PKD1L3: variants seen among roughly 807,000 people sequenced by gnomAD.
The protein encoded by PKD1L3 is polycystin-1-like protein 3.
In PKD1L3, 239 loss-of-function variants were observed where a neutral mutation model predicts 184.1. The ratio of observed to expected loss-of-function variants is 1.30; its 90% CI spans 1.17 to 1.45. The LOEUF (loss-of-function observed/expected upper bound fraction) is 1.45, where lower values mean the gene tolerates loss of function less well. PKD1L3 is among the 40% of genes most tolerant of loss of function. The pLI is 0.00. For synonymous variants in PKD1L3, 996 were observed against 778.8 expected (o/e 1.28, Z -4.64); for missense variants, 2,660 against 2,067.2 (o/e 1.29, Z -5.56).
rs144913223 is a variant in PKD1L3, at chr16:71,982,072, C to T, written c.1130G>A (p.Arg377His). 2.1e-4 allele frequency: 324 copies of T among 1,547,598 alleles called. No individual in the cohort carries two copies. Among genetic ancestry groups the T allele is most frequent in the African/African-American group, 2.0e-3 (146 of 72,900 alleles). Residue 377 changes from arginine to histidine, a missense_variant, in exon 7 of 30, where the codon CGT (arginine) becomes CAT (histidine). Coordinates refer to ENST00000620267, the MANE Select transcript of PKD1L3 (RefSeq NM_181536.2). ...TCTGGCACCTACCGGCTCAGTATGA[C>T]GCTTGGATTCCAGCCAACTTCCTTC... is the stretch of plus-strand genomic sequence containing the variant. ...AGEGSWLESK[R>H]HTEPVEDILE... is the part of the protein sequence containing the mutation.
At chr16:71,967,590 G>C (rs1026798139) in intron 14 of PKD1L3, among the ~76,000 whole-genome samples, 1 of 152,062 alleles carries the variant, frequency 6.6e-6, no homozygotes, top group Non-Finnish European at 1.5e-5. Context: ...TCAACCTCCT[G>C]AGTAGCTGTG....
At chr16:71,961,591 G>C (rs1390204292) in intron 16 of PKD1L3, among the ~76,000 whole-genome samples, 1 of 152,046 alleles carries the variant, frequency 6.6e-6, no homozygotes, top group Non-Finnish European at 1.5e-5. Flanking sequence ...GACAGCCACA[G>C]ATGAGCTCTC....
intron 14 of PKD1L3, 76 bp from the exon 15 acceptor site, chr16:71,967,391 C>A: frequency 7.3e-7 from 1 of 1,365,604 alleles, no homozygotes; most frequent in Non-Finnish European, 9.8e-7. Flanking sequence ...AGGAGAAAGA[C>A]GAAGACATAG....
intron 16 of PKD1L3, among the ~76,000 whole-genome samples, chr16:71,957,176 C>T (rs1011408639): frequency 6.6e-6 from 1 of 151,632 alleles, no homozygotes; most frequent in Non-Finnish European, 1.5e-5. Context: ...TAGAAAATAT[C>T]CATTTAACAC....
At chr16:71,972,752 A>G (rs976510712) in intron 12 of PKD1L3, among the ~76,000 whole-genome samples, 6 of 152,182 alleles carry the variant, frequency 3.9e-5, no homozygotes, top group African/African-American at 1.4e-4. Context: ...TCTTTTTAGA[A>G]CAGCTTGCTG....
chr16:71,933,894 G>GACAGC, intron 27 of PKD1L3, 21 bp downstream of exon 27: 1 of 1,547,492 alleles, frequency 6.5e-7, no homozygotes. Flanking sequence ...GAGAAGGAGA[G>GACAGC]ACAGCAACGT....
intron 3 of PKD1L3, among the ~76,000 whole-genome samples, chr16:71,991,714 C>T (rs915839813): frequency 3.3e-4 from 50 of 152,282 alleles, no homozygotes; most frequent in Middle Eastern, 3.4e-3. Flanking sequence ...GTGATACATA[C>T]GTAGGATATT....
chr16:71,961,833 T>A (rs1046956574), intron 16 of PKD1L3, among the ~76,000 whole-genome samples: 1 of 152,196 alleles, frequency 6.6e-6, no homozygotes, highest in Non-Finnish European at 1.5e-5. Flanking sequence ...CAATTGTAAT[T>A]GGAGCAGATC....
At chr16:71,977,734 G>C (rs141006631) in intron 10 of PKD1L3, among the ~76,000 whole-genome samples, 1 of 150,908 alleles carries the variant, frequency 6.6e-6, no homozygotes, top group South Asian at 2.1e-4. Context: ...TAATACTGCT[G>C]GGGTTAAGGA....
chr16:71,954,378 A>C, intron 16 of PKD1L3, 77 bp from the exon 17 acceptor site: 1 of 1,208,274 alleles, frequency 8.3e-7, no homozygotes. Context: ...TGATTTGCCC[A>C]GCAACAAGCG....
rs201661565 is a variant in PKD1L3 at position 71,970,879 on chromosome 16, T to A, written c.1954-774A>T. The stretch of plus-strand genomic sequence containing the variant: ...TGAATTAGAGGTAGATGTATCAACA[T>A]GGATAAATGCTAAGTGAATACAACA... On this transcript the variant is annotated intron_variant, in intron 12 of 29. Transcript: ENST00000620267. Among the ~76,000 whole-genome samples the A allele has an allele frequency of 1.1e-4, 16 of 152,306 alleles. No homozygotes were observed. The East Asian group carries it at 2.7e-3, about 26-fold the overall frequency.
intron 12 of PKD1L3, among the ~76,000 whole-genome samples, chr16:71,972,413 A>ATCC (rs1301165049): frequency 6.6e-6 from 1 of 152,040 alleles, no homozygotes. Context: ...AGTAATCATC[A>ATCC]TCATCCTCCT....
In PKD1L3 at chr16:71,999,964, T is replaced by G; in HGVS notation, c.15A>C (p.Gly5=). MFFK[G]GSWLWLYIRT... ...TGATGTATAACCAAAGCCAGCTTCC[T>G]CCTTTGAAGAACATTTTCTCTGAAT... The change falls in exon 1 of 30, where the codon GGA becomes GGC. Residue 5 remains glycine, a synonymous_variant. Coordinates refer to ENST00000620267, the MANE Select transcript of PKD1L3 (RefSeq NM_181536.2). The G allele has an allele frequency of 6.6e-7, 1 of 1,522,578 alleles. No individual in the cohort carries two copies. Among genetic ancestry groups the G allele is most frequent in the Non-Finnish European group, 8.9e-7 (1 of 1,127,392 alleles). 94.3% of individuals were successfully genotyped at this position (1,522,578 alleles called of 1,614,324 possible).
rs2038142066 is a variant in PKD1L3 at position 71,935,441 on chromosome 16, A to G, written c.4530T>C (p.Ile1510=). The change falls in exon 26 of 30, where the codon ATT becomes ATC. Residue 1510 remains isoleucine (I), a synonymous_variant. Coordinates refer to ENST00000620267, the MANE Select transcript of PKD1L3 (RefSeq NM_181536.2). The part of the protein sequence containing the change: ...RNILDTSIIL[I]SFILLGLDMK... ...TGTCAAGCCCCAGGAGGATGAAGCT[A>G]ATGAGGATTATACTTGTGTCCAGAA... The G allele has an allele frequency of 1.3e-6, 2 of 1,552,068 alleles. No individual in the cohort carries two copies. Among genetic ancestry groups the G allele is most frequent in the Non-Finnish European group, 1.7e-6 (2 of 1,147,010 alleles).
intron 24 of PKD1L3, among the ~76,000 whole-genome samples, chr16:71,939,747 A>G (rs926204349): frequency 2.0e-5 from 3 of 152,190 alleles, no homozygotes; most frequent in Admixed American, 6.5e-5. Flanking sequence ...TTGTGAGCCA[A>G]TTCTGGGAGA....
At chr16:71,963,801 A>G (rs1392306794) in intron 15 of PKD1L3, among the ~76,000 whole-genome samples, 1 of 152,102 alleles carries the variant, frequency 6.6e-6, no homozygotes, top group Non-Finnish European at 1.5e-5. Context: ...AAAAGAAAAG[A>G]GAGTAGATCT....
intron 16 of PKD1L3, among the ~76,000 whole-genome samples, chr16:71,958,360 C>G (rs1369681719): frequency 7.2e-6 from 1 of 138,550 alleles, no homozygotes; most frequent in African/African-American, 2.7e-5. Flanking sequence ...GCACTCCAGC[C>G]TGGGCGACAG....
At chr16:71,990,503 C>CA (rs2040546739) in intron 3 of PKD1L3, among the ~76,000 whole-genome samples, 174 bp from the exon 4 acceptor site, 1 of 152,158 alleles carries the variant, frequency 6.6e-6, no homozygotes, top group African/African-American at 2.4e-5. Flanking sequence ...GAGGCTGAGG[C>CA]AGGCAGATCA....
intron 16 of PKD1L3, among the ~76,000 whole-genome samples, chr16:71,962,571 C>T (rs2039323426): frequency 6.6e-6 from 1 of 152,190 alleles, no homozygotes; most frequent in East Asian, 1.9e-4. Flanking sequence ...ACTGCAACCT[C>T]TGCCTCCCAG....
Sources: gnomAD v4.1 joint callset for allele counts (sites outside exome capture counted in the v4.1 genomes callset) on GRCh38, gnomAD v4.1.1 for gene constraint, MANE v1.5 for transcripts, NCBI Gene and HGNC (gene_info 2026-07-23, HGNC 2026-07-21) for gene names.